Variants in TMIGD3 observed in about 807,000 individuals in gnomAD.
TMIGD3 encodes transmembrane and immunoglobulin domain containing 3.
Under a neutral mutation model 28.1 loss-of-function variants are expected in TMIGD3, and 21 were observed. The ratio of observed to expected loss-of-function variants is 0.75; its 90% confidence interval spans 0.53 to 1.08. TMIGD3 has a LOEUF of 1.08. TMIGD3 is among the 50% of genes least tolerant of loss of function. TMIGD3 has a pLI of 0.00. For missense variants in TMIGD3, 416 were observed against 435.6 expected (o/e 0.96, Z 0.40); for synonymous variants, 151 against 162.1 (o/e 0.93, Z 0.52).
intron 1 of TMIGD3, among the ~76,000 whole-genome samples, chr1:111,538,180 A>AT (rs1656703724): frequency 6.6e-6 from 1 of 152,148 alleles, no homozygotes; most frequent in Non-Finnish European, 1.5e-5. Context: ...AAAAAACACA[A>AT]TTTGTGCCTC....
intron 1 of TMIGD3, among the ~76,000 whole-genome samples, chr1:111,530,858 C>G (rs978812256): frequency 6.6e-6 from 1 of 152,136 alleles, no homozygotes; most frequent in Admixed American, 6.5e-5. Context: ...GGATATTTGA[C>G]TTTACAGCAT....
intron 1 of TMIGD3, among the ~76,000 whole-genome samples, chr1:111,555,197 C>T (rs12039001): frequency 6.6e-6 from 1 of 151,524 alleles, no homozygotes; most frequent in African/African-American, 2.4e-5. Flanking sequence ...AAGACCCTGT[C>T]TCTACTAAAA....
intron 1 of TMIGD3, among the ~76,000 whole-genome samples, chr1:111,538,665 T>C (rs1252262296): frequency 6.6e-6 from 1 of 152,196 alleles, no homozygotes; most frequent in Non-Finnish European, 1.5e-5. Context: ...TGAAAGGCAT[T>C]TGGAGAAACA....
At chr1:111,541,780 C>G (rs747672670) in intron 1 of TMIGD3, among the ~76,000 whole-genome samples, 1 of 152,096 alleles carries the variant, frequency 6.6e-6, no homozygotes, top group East Asian at 1.9e-4. Flanking sequence ...ACGAGGGGCC[C>G]GTAAAAGAGC....
At chr1:111,524,426 C>T (rs141791684) in intron 1 of TMIGD3, among the ~76,000 whole-genome samples, 1 of 152,074 alleles carries the variant, frequency 6.6e-6, no homozygotes, top group Non-Finnish European at 1.5e-5. Flanking sequence ...TGGAGTTGTG[C>T]CTTTTCTACC....
intron 1 of TMIGD3, chr1:111,500,664 C>T (rs1655129047): frequency 9.4e-7 from 1 of 1,066,246 alleles, no homozygotes; most frequent in Non-Finnish European, 1.4e-6. Flanking sequence ...CATATACTCT[C>T]TTAATTCTCC....
At chr1:111,535,788 C>T (rs1425088141) in intron 1 of TMIGD3, among the ~76,000 whole-genome samples, 2 of 152,180 alleles carry the variant, frequency 1.3e-5, no homozygotes, top group Non-Finnish European at 2.9e-5. Context: ...TGTGTGATGT[C>T]TCCAACAGAG....
intron 1 of TMIGD3, among the ~76,000 whole-genome samples, chr1:111,537,468 G>T (rs1209101201): frequency 6.6e-6 from 1 of 152,208 alleles, no homozygotes; most frequent in Non-Finnish European, 1.5e-5. Flanking sequence ...AAAGACAGGT[G>T]TATAAACAGC....
intron 1 of TMIGD3, among the ~76,000 whole-genome samples, chr1:111,501,942 A>C (rs560782800): frequency 6.6e-6 from 1 of 150,564 alleles, no homozygotes; most frequent in South Asian, 2.1e-4. Context: ...ACATGTAATG[A>C]AGAATATTTT....
chr1:111,549,338 CT>C (rs1198122316), intron 1 of TMIGD3, among the ~76,000 whole-genome samples: 1 of 137,958 alleles, frequency 7.2e-6, no homozygotes, highest in African/African-American at 2.7e-5. Context: ...TGTCTTTTTC[CT>C]TTTTTTCCCC....
intron 1 of TMIGD3, among the ~76,000 whole-genome samples, chr1:111,516,222 G>A (rs1268802359): frequency 6.6e-6 from 1 of 152,370 alleles, no homozygotes; most frequent in Non-Finnish European, 1.5e-5. Flanking sequence ...CAGGGCATTT[G>A]AGAGAGGGGA....
At chr1:111,521,692 T>G (rs1186832576) in intron 1 of TMIGD3, among the ~76,000 whole-genome samples, 1 of 152,216 alleles carries the variant, frequency 6.6e-6, no homozygotes, top group Admixed American at 6.5e-5. Flanking sequence ...ATATAAGATT[T>G]GCAAATCTTT....
intron 1 of TMIGD3, among the ~76,000 whole-genome samples, chr1:111,554,664 T>G (rs1190562647): frequency 6.6e-6 from 1 of 152,234 alleles, no homozygotes; most frequent in African/African-American, 2.4e-5. Flanking sequence ...TAATGGCACT[T>G]GGTACAAGGT....
intron 1 of TMIGD3, among the ~76,000 whole-genome samples, chr1:111,534,748 G>T (rs1656584433): frequency 1.3e-5 from 2 of 152,142 alleles, no homozygotes; most frequent in African/African-American, 4.8e-5. Flanking sequence ...GTGAGTGTGT[G>T]TGTGTTTTGT....
At chr1:111,496,577 A>G (rs1246071438) in intron 1 of TMIGD3, among the ~76,000 whole-genome samples, 3 of 152,220 alleles carry the variant, frequency 2.0e-5, no homozygotes, top group African/African-American at 7.2e-5. Flanking sequence ...CCAATAAAAT[A>G]TATTTTCTTT....
rs41282524 is a variant in TMIGD3 at position 111,563,955 on chromosome 1, G to A, written c.-3C>T. On this transcript the variant is annotated 5_prime_UTR_variant, in exon 1 of 6. Coordinates refer to the TMIGD3 transcript ENST00000369717. Reference sequence around the variant, plus strand: ...GGTCCTGCTGGAGACCCTTCCATTGGTCCAACTGGTGGTCTCTACCAACTG... The same window carrying A: ...GGTCCTGCTGGAGACCCTTCCATTGATCCAACTGGTGGTCTCTACCAACTG... The A allele has an allele frequency of 4.1e-3, 6,642 of 1,610,584 alleles. 22 individuals carry two copies. Among genetic ancestry groups the A allele is most frequent in the Non-Finnish European group, 4.7e-3 (5,506 of 1,177,286 alleles).
intron 1 of TMIGD3, among the ~76,000 whole-genome samples, chr1:111,547,124 T>C (rs2101030920): frequency 6.6e-6 from 1 of 152,332 alleles, no homozygotes; most frequent in South Asian, 2.1e-4. Flanking sequence ...TCTTGTATCC[T>C]TCAACTTTGA....
At chr1:111,500,013 T>G (rs755109360) in intron 1 of TMIGD3, 8 of 1,614,076 alleles carry the variant, frequency 5.0e-6, no homozygotes, top group Non-Finnish European at 6.8e-6. Context: ...CCACACAAGC[T>G]TTGAGGATCA....
chr1:111,486,710 C>A, intron 3 of TMIGD3, 58 bp from the exon 4 acceptor site: 1 of 1,384,050 alleles, frequency 7.2e-7, no homozygotes, highest in South Asian at 1.2e-5. Flanking sequence ...CCTACCTCTG[C>A]CTCCCAGCTG....
Sources: gnomAD v4.1 joint callset for allele counts (sites outside exome capture counted in the v4.1 genomes callset) on GRCh38, gnomAD v4.1.1 for gene constraint, MANE v1.5 for transcripts, NCBI Gene and HGNC (gene_info 2026-07-23, HGNC 2026-07-21) for gene names.